HDAC4: variants seen among roughly 807,000 people sequenced by gnomAD.
The protein encoded by HDAC4 is histone deacetylase A.
Under a neutral mutation model 135.1 loss-of-function variants are expected in HDAC4, and 16 were observed. The observed-to-expected ratio is 0.12, with a 90% CI of 0.08 to 0.18. The LOEUF (loss-of-function observed/expected upper bound fraction) is 0.18. HDAC4 is among the 10% of genes least tolerant of loss of function. The probability of loss-of-function intolerance (pLI) is 1.00; values close to 1 mark genes in which losing one functional copy is unlikely to be tolerated. For missense variants in HDAC4, 1,143 were observed against 1,511.8 expected (o/e 0.76, Z 4.05); for synonymous variants, 685 against 653.4 (o/e 1.05, Z -0.74).
rs1348792849 is a variant in HDAC4, at chr2:239,048,820, GCA to G, written c.*4275_*4276del. The stretch of plus-strand genomic sequence containing the variant: ...AGTATAATTGTAAACCACAGTGCTC[GCA>G]CAGTTCACGACTGCTTAAAGTGAAA... On this transcript the variant is annotated 3_prime_UTR_variant, in exon 27 of 27. Transcript: ENST00000543185. The G allele has an allele frequency of 6.6e-6, 1 of 152,188 alleles. No individual in the cohort carries two copies. The highest frequency in any genetic ancestry group is 1.5e-5 in the Non-Finnish European group (1 of 68,042). The allele number at this position is 152,188 out of a possible 1,614,324, so 9.4% of individuals were successfully genotyped here. A position where few individuals can be genotyped will look rare whatever the true frequency, so the allele number is the denominator to read the frequency against.
chr2:239,190,014 A>G lies in HDAC4; in HGVS notation c.158T>C (p.Leu53Pro). The change falls in exon 4 of 27, where the codon CTG becomes CCG. Residue 53 changes from leucine to proline, a missense_variant. Physicochemically the swap from Leu to Pro is moderately conservative, Grantham distance 98. Coordinates refer to ENST00000543185, the MANE Select transcript of HDAC4 (RefSeq NM_001378414.1). ...CACAGGCAGTGAGAACTGGTGGTCC[A>G]GGCGCAGGTCCATGGGCACTGCCGA... ...APSAVPMDLR[L>P]DHQFSLPVAE... is the part of the protein sequence containing the mutation. The G allele has an allele frequency of 6.2e-7, 1 of 1,605,564 alleles. No homozygotes were observed.
chr2:239,134,495 C>G, intron 10 of HDAC4, 32 bp downstream of exon 10: 6 of 1,612,992 alleles, frequency 3.7e-6, no homozygotes, highest in Non-Finnish European at 5.1e-6. Context: ...ACCACCACCC[C>G]ACACCACACG....
At chr2:239,339,967 GC>G (rs1441022936) in intron 2 of HDAC4, among the ~76,000 whole-genome samples, 1 of 152,250 alleles carries the variant, frequency 6.6e-6, no homozygotes, top group Non-Finnish European at 1.5e-5. Context: ...AGAAGTGCTA[GC>G]AGCTGAGTAG....
In HDAC4 at chr2:239,068,258, C is replaced by T. The variant is rs1206930823; in HGVS notation, c.2869+231G>A. Among the ~76,000 whole-genome samples the T allele has an allele frequency of 6.6e-6, 1 of 152,180 alleles. No homozygotes were observed. The highest frequency in any genetic ancestry group is 1.9e-4 in the East Asian group (1 of 5,180). ...AGAGGGAGCCTCGTGTGCCCTAGGC[C>T]CTTCCTGGGCAAAGAGTGCCCGAGG... On this transcript the variant is annotated intron_variant, in intron 23 of 26. Coordinates refer to ENST00000543185, the MANE Select transcript of HDAC4 (RefSeq NM_001378414.1). This position sits in a 1 kb window ranked among gnomAD's most constrained non-coding sequence, Gnocchi z 4.4.
chr2:239,148,710 G>A (rs943472927), intron 7 of HDAC4, among the ~76,000 whole-genome samples: 1 of 152,224 alleles, frequency 6.6e-6, no homozygotes, highest in African/African-American at 2.4e-5. Flanking sequence ...ACTGGAAGAC[G>A]TGCATGACCA....
At chr2:239,380,578 C>G (rs1238149859) in intron 1 of HDAC4, among the ~76,000 whole-genome samples, 1 of 152,152 alleles carries the variant, frequency 6.6e-6, no homozygotes, top group African/African-American at 2.4e-5. Context: ...ATGTTAATAG[C>G]TTCAGTTTTG....
At chr2:239,160,474 A>C (rs1233483203) in intron 6 of HDAC4, among the ~76,000 whole-genome samples, 8 of 152,232 alleles carry the variant, frequency 5.3e-5, no homozygotes, top group Non-Finnish European at 1.5e-5. Flanking sequence ...GCCCTGATGA[A>C]GCCACAGCAC....
chr2:239,100,193 A>G (rs1388137831), intron 16 of HDAC4, among the ~76,000 whole-genome samples: 2 of 152,158 alleles, frequency 1.3e-5, no homozygotes, highest in African/African-American at 4.8e-5. Context: ...TCTGAATTCC[A>G]GACACCTCCT....
intron 11 of HDAC4, among the ~76,000 whole-genome samples, chr2:239,132,854 A>G (rs1243996404): frequency 6.6e-6 from 1 of 152,190 alleles, no homozygotes; most frequent in Non-Finnish European, 1.5e-5. Context: ...TACGTTTTTA[A>G]AGACAGGCGA....
intron 1 of HDAC4, among the ~76,000 whole-genome samples, chr2:239,355,070 T>C (rs958921121): frequency 6.6e-6 from 1 of 152,200 alleles, no homozygotes; most frequent in African/African-American, 2.4e-5. Flanking sequence ...GTTACCATTT[T>C]CTTCTGCCTG....
At chr2:239,110,949 CCTT>C (rs1180413521) in intron 14 of HDAC4, among the ~76,000 whole-genome samples, 4 of 152,224 alleles carry the variant, frequency 2.6e-5, no homozygotes, top group African/African-American at 9.6e-5. Flanking sequence ...TTACTTGCCT[CCTT>C]CTTGTGAGGG....
At chr2:239,239,750 T>C (rs2048071675) in intron 2 of HDAC4, among the ~76,000 whole-genome samples, 1 of 152,160 alleles carries the variant, frequency 6.6e-6, no homozygotes, top group Admixed American at 6.5e-5. Flanking sequence ...CACATCTTTG[T>C]AGAATGACAT....
intron 1 of HDAC4, among the ~76,000 whole-genome samples, chr2:239,372,843 C>T (rs1694730439): frequency 6.6e-6 from 1 of 152,198 alleles, no homozygotes; most frequent in Non-Finnish European, 1.5e-5. Context: ...CACATGTGCA[C>T]ATATGTACAC....
intron 24 of HDAC4, among the ~76,000 whole-genome samples, chr2:239,063,682 C>T (rs2033104699): frequency 6.6e-6 from 1 of 152,218 alleles, no homozygotes; most frequent in Non-Finnish European, 1.5e-5. Flanking sequence ...TTGGCCAGCC[C>T]AGCCTCCCCC....
At chr2:239,154,156 G>A (rs528418223) in intron 7 of HDAC4, among the ~76,000 whole-genome samples, 1 of 152,234 alleles carries the variant, frequency 6.6e-6, no homozygotes, top group African/African-American at 2.4e-5. Context: ...GGTGTGTGCT[G>A]TCCTTTCCTG....
At chr2:239,148,780 C>T (rs1177052190) in intron 7 of HDAC4, among the ~76,000 whole-genome samples, 2 of 152,198 alleles carry the variant, frequency 1.3e-5, no homozygotes, top group African/African-American at 4.8e-5. Context: ...GGGGCCAGGC[C>T]GGGAGAGCAG....
chr2:239,112,542 T>C (rs1244708203), intron 13 of HDAC4, among the ~76,000 whole-genome samples: 1 of 152,136 alleles, frequency 6.6e-6, no homozygotes, highest in Non-Finnish European at 1.5e-5. Context: ...GGAGCTGGGC[T>C]GGGCTCTGTG....
intron 17 of HDAC4, chr2:239,091,473 C>T (rs2036497884): frequency 2.0e-5 from 3 of 152,258 alleles, no homozygotes; most frequent in Admixed American, 6.5e-5. Flanking sequence ...CATTGCAGGA[C>T]GCCTCCTTCT....
At chr2:239,208,326 C>CAAAAAAAAAAAA (rs759398313) in intron 3 of HDAC4, among the ~76,000 whole-genome samples, 26 of 68,196 alleles carry the variant, frequency 3.8e-4, no homozygotes, top group Non-Finnish European at 4.7e-4. Context: ...GACTCCGTCC[C>CAAAAAAAAAAAA]AAAAAAAAAA....
Sources: gnomAD v4.1 joint callset for allele counts (sites outside exome capture counted in the v4.1 genomes callset) on GRCh38, gnomAD v4.1.1 for gene constraint, Gnocchi (gnomAD v3.1) non-coding constraint, MANE v1.5 for transcripts, NCBI Gene and HGNC (gene_info 2026-07-23, HGNC 2026-07-21) for gene names.